Variants in SLC7A6 observed in about 807,000 individuals in gnomAD.
SLC7A6 encodes solute carrier family 7 member 6, also known as Y+L amino acid transporter 2.
A neutral mutation model predicts 46.6 loss-of-function variants in SLC7A6; 29 were observed. That is an observed-to-expected ratio of 0.62 (90% CI 0.46 to 0.85). SLC7A6 has a LOEUF of 0.85. Among genes scored for constraint, SLC7A6 ranks in the 40% least tolerant of loss-of-function variants. SLC7A6 has a pLI of 0.00. For synonymous variants in SLC7A6, 276 were observed against 257.3 expected (o/e 1.07, Z -0.70); for missense variants, 527 against 647.6 (o/e 0.81, Z 2.02).
intron 2 of SLC7A6, among the ~76,000 whole-genome samples, chr16:68,270,977 G>A (rs1374031734): frequency 6.6e-6 from 1 of 151,626 alleles, no homozygotes; most frequent in Non-Finnish European, 1.5e-5. Context: ...TCCCACCTTG[G>A]CCTCCCAAGT....
chr16:68,284,956 C>G (rs1179217747), intron 3 of SLC7A6, among the ~76,000 whole-genome samples: 1 of 144,022 alleles, frequency 6.9e-6, no homozygotes, highest in African/African-American at 2.6e-5. Flanking sequence ...ACTATAGGCC[C>G]GGACTCCTGG....
chr16:68,277,418 C>T (rs1344855018), intron 3 of SLC7A6, among the ~76,000 whole-genome samples: 2 of 151,726 alleles, frequency 1.3e-5, no homozygotes, highest in East Asian at 3.9e-4. Context: ...ACACCATTCT[C>T]CTGCCTCAGC....
intron 3 of SLC7A6, among the ~76,000 whole-genome samples, chr16:68,275,466 A>C (rs549671161): frequency 7.2e-5 from 11 of 151,878 alleles, no homozygotes; most frequent in Non-Finnish European, 1.3e-4. Context: ...GTGGTGGTGC[A>C]TGCCTGTAAT....
chr16:68,288,595 C>T (rs1311829886), intron 4 of SLC7A6, among the ~76,000 whole-genome samples: 6 of 152,036 alleles, frequency 3.9e-5, no homozygotes, highest in Non-Finnish European at 8.8e-5. Flanking sequence ...TACAGTCACC[C>T]GGGGAGCTGA....
chr16:68,298,954 C>T lies in SLC7A6; in HGVS notation c.*1626C>T, dbSNP rs2043221413. 6.6e-6 allele frequency: 1 copy of T among 152,616 alleles called. No homozygotes were observed. The highest frequency in any genetic ancestry group is 1.5e-5 in the Non-Finnish European group (1 of 68,054). The allele number at this position is 152,616 out of a possible 1,614,324, so 9.5% of individuals were successfully genotyped here. A position where few individuals can be genotyped will look rare whatever the true frequency, so the allele number is the denominator to read the frequency against. On this transcript the variant is annotated 3_prime_UTR_variant, in exon 11 of 11. Coordinates refer to ENST00000219343, the MANE Select transcript of SLC7A6 (RefSeq NM_003983.6). Reference sequence around the variant, plus strand: ...TCCTGACCATTCTTCTCCACCCAGTCACAGATAAGGGAATAACCTTGGCCA... The same window carrying T: ...TCCTGACCATTCTTCTCCACCCAGTTACAGATAAGGGAATAACCTTGGCCA...
rs563594390 is a variant in SLC7A6, at chr16:68,274,853, A to G, written c.127A>G (p.Lys43Glu). ...QRSSETMQLK[K>E]EISLLNGVSL... is the part of the protein sequence containing the mutation. ...GTCCTCCGAAACTATGCAGCTGAAG[A>G]AGGAGATCTCCCTGCTGAATGGGGT... The change falls in exon 3 of 11, where the codon AAG (lysine) becomes GAG (glutamate). Residue 43 changes from lysine to glutamate, a missense_variant. By Grantham distance (56) the Lys-to-Glu change is moderately conservative. Coordinates refer to ENST00000219343, the MANE Select transcript of SLC7A6 (RefSeq NM_003983.6). The G allele has an allele frequency of 1.3e-5, 21 of 1,614,202 alleles. No individual in the cohort carries two copies. Among genetic ancestry groups the G allele is most frequent in the African/African-American group, 2.7e-5 (2 of 75,060 alleles).
chr16:68,296,314 G>T, intron 8 of SLC7A6, 50 bp from the exon 9 acceptor site: 1 of 1,608,960 alleles, frequency 6.2e-7, no homozygotes, highest in South Asian at 1.1e-5. Context: ...AGTCTCCTGG[G>T]GGCGCAGGTG....
At chr16:68,281,648 A>G (rs2042831357) in intron 3 of SLC7A6, among the ~76,000 whole-genome samples, 1 of 152,292 alleles carries the variant, frequency 6.6e-6, no homozygotes, top group South Asian at 2.1e-4. Context: ...TTCTTGAGGT[A>G]GGTACATAGG....
chr16:68,266,152 C>T (rs954572200), intron 1 of SLC7A6, among the ~76,000 whole-genome samples: 1 of 151,768 alleles, frequency 6.6e-6, no homozygotes, highest in East Asian at 1.9e-4. Flanking sequence ...CCCACCTACT[C>T]GGGAGGCTGA....
chr16:68,289,124 TC>T (rs2042996345), intron 4 of SLC7A6, among the ~76,000 whole-genome samples: 1 of 151,512 alleles, frequency 6.6e-6, no homozygotes, highest in Non-Finnish European at 1.5e-5. Context: ...AAACCCTGTC[TC>T]TACTAAAAAT....
chr16:68,278,231 A>T (rs2042754044), intron 3 of SLC7A6, among the ~76,000 whole-genome samples: 1 of 152,134 alleles, frequency 6.6e-6, no homozygotes, highest in East Asian at 1.9e-4. Context: ...CTGGGATTAC[A>T]GGCATGAGCC....
intron 3 of SLC7A6, chr16:68,287,504 T>C: frequency 7.1e-7 from 1 of 1,404,758 alleles, no homozygotes; most frequent in Non-Finnish European, 9.4e-7. Context: ...TCAGGATGTA[T>C]AAGTATGTGT....
Position 68,274,810 on chromosome 16 carries a change from C to T in SLC7A6, c.84C>T (p.Val28=). 1 of 1,614,204 alleles carries T rather than the reference C, an allele frequency of 6.2e-7. No individual in the cohort carries two copies. The change falls in exon 3 of 11, where the codon GTC becomes GTT. Residue 28 remains valine, a synonymous_variant. Coordinates refer to ENST00000219343, the MANE Select transcript of SLC7A6 (RefSeq NM_003983.6). ...GCCAGTCCCAGGTGGAAGAAGATGT[C>T]AGCTCGCCACCTCAAAGGTCCTCCG... The part of the protein sequence containing the change: ...NTSQSQVEED[V]SSPPQRSSET...
At chr16:68,294,174 A>C (rs1218767698) in intron 7 of SLC7A6, among the ~76,000 whole-genome samples, 1 of 152,102 alleles carries the variant, frequency 6.6e-6, no homozygotes, top group Non-Finnish European at 1.5e-5. Context: ...GATTATAGGC[A>C]TGAGCCACCA....
Position 68,300,800 on chromosome 16 carries a change from A to C in SLC7A6, c.*3472A>C. On this transcript the variant is annotated 3_prime_UTR_variant, in exon 11 of 11. Coordinates refer to ENST00000219343, the MANE Select transcript of SLC7A6 (RefSeq NM_003983.6). ...ACTTTCTGCCCTAATGGCCATTACT[A>C]TCCAGTCTGTATTGCTACAAGGGAC... 1.0e-6 allele frequency: 1 copy of C among 985,680 alleles called. No individual in the cohort carries two copies. The highest frequency in any genetic ancestry group is 1.2e-6 in the Non-Finnish European group (1 of 830,150). 61.1% of individuals were successfully genotyped at this position (985,680 alleles called of 1,614,324 possible).
chr16:68,291,134 C>T, intron 5 of SLC7A6, 75 bp from the exon 6 acceptor site: 4 of 1,589,896 alleles, frequency 2.5e-6, no homozygotes, highest in Non-Finnish European at 3.5e-6. Flanking sequence ...TAGGAAAATC[C>T]CAGTGGAGAC....
At chr16:68,291,762 G>GGTGTGT (rs10525504) in intron 7 of SLC7A6, 101 bp downstream of exon 7, 50,947 of 543,928 alleles carry the variant, frequency 0.094, 1,646 homozygotes, top group African/African-American at 0.21. Flanking sequence ...GGGCATATAG[G>GGTGTGT]GTGTGTGTGT....
At chr16:68,296,270 GGCATCAGATCTA>G in intron 8 of SLC7A6, 82 bp from the exon 9 acceptor site, 1 of 1,371,200 alleles carries the variant, frequency 7.3e-7, no homozygotes. Context: ...CTGGTGAAGT[GGCATCAGATCTA>G]GTACTGACTG....
At chr16:68,290,220 T>C (rs1443642699) in intron 4 of SLC7A6, 176 bp from the exon 5 acceptor site, 2 of 626,138 alleles carry the variant, frequency 3.2e-6, no homozygotes, top group Non-Finnish European at 5.4e-6. Flanking sequence ...TTTTTTTCTT[T>C]CCCCTGCCTT....
Sources: gnomAD v4.1 joint callset for allele counts (sites outside exome capture counted in the v4.1 genomes callset) on GRCh38, gnomAD v4.1.1 for gene constraint, MANE v1.5 for transcripts, NCBI Gene and HGNC (gene_info 2026-07-23, HGNC 2026-07-21) for gene names.